ASTN2: variants seen among roughly 807,000 people sequenced by gnomAD.
The protein encoded by ASTN2 is astrotactin-2.
A neutral mutation model predicts 139.8 loss-of-function variants in ASTN2; 54 were observed. That is an observed-to-expected ratio of 0.39 (90% confidence interval 0.31 to 0.48). The LOEUF (loss-of-function observed/expected upper bound fraction) is 0.48. Ranked by LOEUF, ASTN2 falls within the 20% of genes least tolerant of loss-of-function variation. The pLI, the probability that ASTN2 is intolerant of heterozygous loss-of-function variation, is 0.95. For missense variants in ASTN2, 1,565 were observed against 1,725.1 expected, an observed-to-expected ratio of 0.91 and a Z score of 1.64; for synonymous variants, 756 against 719.5, an observed-to-expected ratio of 1.05 and a Z score of -0.81.
intron 19 of ASTN2, among the ~76,000 whole-genome samples, chr9:116,605,775 C>T (rs1215836561): frequency 6.6e-6 from 1 of 152,198 alleles, no homozygotes; most frequent in Non-Finnish European, 1.5e-5. Context: ...TGTCCTATAT[C>T]CCTTTATTTC....
chr9:116,612,934 G>A (rs928446309), intron 19 of ASTN2: 2 of 149,662 alleles, frequency 1.3e-5, no homozygotes, highest in Non-Finnish European at 3.0e-5. Context: ...GAATCCAGGA[G>A]CTGGTTTTTT....
At chr9:117,349,445 C>T (rs1829322902) in intron 1 of ASTN2, among the ~76,000 whole-genome samples, 1 of 152,176 alleles carries the variant, frequency 6.6e-6, no homozygotes, top group African/African-American at 2.4e-5. Context: ...ACATGGCCCC[C>T]TGCCTTCAGG....
At chr9:116,625,518 G>T (rs562569469) in intron 17 of ASTN2, among the ~76,000 whole-genome samples, 10 of 152,220 alleles carry the variant, frequency 6.6e-5, no homozygotes, top group African/African-American at 2.2e-4. Flanking sequence ...CGTGGCCTTT[G>T]GACTAGTCTC....
At chr9:116,675,370 A>G (rs994105421) in intron 16 of ASTN2, among the ~76,000 whole-genome samples, 5 of 151,990 alleles carry the variant, frequency 3.3e-5, no homozygotes, top group African/African-American at 1.2e-4. Context: ...CTGTAGCCCT[A>G]TGGTGGGGTG....
chr9:116,618,176 C>A (rs1855946570), intron 19 of ASTN2, 148 bp downstream of exon 19: 2 of 810,624 alleles, frequency 2.5e-6, no homozygotes, highest in Non-Finnish European at 3.7e-6. Context: ...AAACAGCACA[C>A]AAGGATGGAC....
chr9:116,426,216 T>TAGATA, intron 22 of ASTN2, 128 bp from the exon 23 acceptor site: 3 of 1,178,606 alleles, frequency 2.5e-6, no homozygotes, highest in Non-Finnish European at 3.6e-6. Flanking sequence ...CAGATTGGAG[T>TAGATA]GTGGTACTTC....
chr9:116,993,787 TTATA>T (rs1233344748), intron 7 of ASTN2, among the ~76,000 whole-genome samples: 3 of 146,564 alleles, frequency 2.0e-5, no homozygotes, highest in South Asian at 4.2e-4. Context: ...ATATAGCACT[TTATA>T]TATGTATGTA....
At chr9:116,988,404 C>T (rs570860056) in intron 7 of ASTN2, among the ~76,000 whole-genome samples, 8 of 152,266 alleles carry the variant, frequency 5.3e-5, no homozygotes, top group African/African-American at 1.7e-4. Flanking sequence ...CTTTCCTGAC[C>T]ATGGCTCTTA....
intron 1 of ASTN2, among the ~76,000 whole-genome samples, chr9:117,403,435 T>C (rs1830894389): frequency 6.6e-6 from 1 of 152,228 alleles, no homozygotes; most frequent in African/African-American, 2.4e-5. Flanking sequence ...GGACCAGTCC[T>C]GCTCCTGAAT....
intron 10 of ASTN2, among the ~76,000 whole-genome samples, chr9:116,892,509 G>A (rs1020373295): frequency 1.3e-5 from 2 of 152,176 alleles, no homozygotes; most frequent in Non-Finnish European, 2.9e-5. Flanking sequence ...TGGAAGCTCT[G>A]AGAATGAAGA....
intron 13 of ASTN2, among the ~76,000 whole-genome samples, chr9:116,766,373 A>C (rs2132176291): frequency 6.6e-6 from 1 of 152,118 alleles, no homozygotes; most frequent in African/African-American, 2.4e-5. Flanking sequence ...ACAGGCATAC[A>C]TTCACATACA....
intron 16 of ASTN2, among the ~76,000 whole-genome samples, chr9:116,713,253 G>A (rs1225144655): frequency 6.6e-6 from 1 of 152,102 alleles, no homozygotes; most frequent in East Asian, 1.9e-4. Context: ...ATTGAATCAA[G>A]ATCTCCAAAA....
intron 1 of ASTN2, among the ~76,000 whole-genome samples, chr9:117,344,435 CT>C (rs1829154677): frequency 6.6e-6 from 1 of 152,108 alleles, no homozygotes; most frequent in Non-Finnish European, 1.5e-5. Context: ...TCCCAGGACC[CT>C]GGGAGTTCCA....
intron 10 of ASTN2, among the ~76,000 whole-genome samples, chr9:116,965,950 T>C (rs1018224410): frequency 1.3e-5 from 2 of 152,226 alleles, no homozygotes; most frequent in Non-Finnish European, 2.9e-5. Flanking sequence ...CTTCAGAAGA[T>C]GGCTGTAAAG....
At chr9:116,605,485 G>T (rs1172755644) in intron 19 of ASTN2, among the ~76,000 whole-genome samples, 1 of 152,182 alleles carries the variant, frequency 6.6e-6, no homozygotes, top group African/African-American at 2.4e-5. Flanking sequence ...ATGCATGGGG[G>T]TGTGGTGAGA....
At chr9:117,311,794 G>A (rs577843003) in intron 1 of ASTN2, among the ~76,000 whole-genome samples, 4 of 152,248 alleles carry the variant, frequency 2.6e-5, no homozygotes, top group African/African-American at 4.8e-5. Flanking sequence ...AGAATAGTAC[G>A]TGGCCCACAG....
At chr9:116,661,975 C>T (rs962366267) in intron 16 of ASTN2, among the ~76,000 whole-genome samples, 4 of 150,664 alleles carry the variant, frequency 2.7e-5, no homozygotes, top group African/African-American at 9.8e-5. Flanking sequence ...AACAAACCTG[C>T]ACATTGTGTA....
chr9:117,404,851 G>A (rs1403626889), intron 1 of ASTN2, among the ~76,000 whole-genome samples: 1 of 151,858 alleles, frequency 6.6e-6, no homozygotes, highest in Non-Finnish European at 1.5e-5. Flanking sequence ...GAAGAAAAGG[G>A]GGAAAAAAAA....
At chr9:116,946,935 T>TCAAAAAAAAAAAAAACAAAA (rs769223182) in intron 10 of ASTN2, among the ~76,000 whole-genome samples, 1 of 10,808 alleles carries the variant, frequency 9.3e-5, no homozygotes, top group African/African-American at 2.4e-4. Context: ...CACATTTTTG[T>TCAAAAAAAAAAAAAACAAAA]CAAAAAAAAA....
Sources: allele counts gnomAD v4.1 joint callset (sites outside exome capture counted in the v4.1 genomes callset), GRCh38; gene constraint gnomAD v4.1.1; transcripts MANE v1.5; gene names NCBI Gene and HGNC (gene_info 2026-07-23, HGNC 2026-07-21).